Variants in PRKG1 observed in about 807,000 individuals in gnomAD.
PRKG1 encodes protein kinase cGMP-dependent 1.
PRKG1 carries 35 observed loss-of-function variants against 88.1 expected under a neutral mutation model. The ratio of observed to expected loss-of-function variants is 0.40; its 90% CI spans 0.30 to 0.53. The LOEUF (loss-of-function observed/expected upper bound fraction) is 0.53, where lower values mean the gene tolerates loss of function less well. Ranked by LOEUF, PRKG1 falls within the 20% of genes least tolerant of loss-of-function variation. The pLI is 0.59. For synonymous variants in PRKG1, 303 were observed against 292.5 expected, an observed-to-expected ratio of 1.04 and a Z score of -0.37; for missense variants, 540 against 839.8, an observed-to-expected ratio of 0.64 and a Z score of 4.41.
chr10:51,561,573 A>G lies in PRKG1; in HGVS notation c.592+93737A>G, dbSNP rs749048546. 1.0e-3 allele frequency among the ~76,000 whole-genome samples: 156 copies of G among 152,194 alleles called. 3 individuals carry two copies. The Middle Eastern group carries it at 0.044, about 43-fold the overall frequency. ...GAAATTGAAACTCAGCAAAGAATAG[A>G]AAGTAGCTTAGGGATAAACAAACAG... is the stretch of plus-strand genomic sequence containing the variant. On this transcript the variant is annotated intron_variant, in intron 3 of 17. Coordinates refer to ENST00000373980, the MANE Select transcript of PRKG1 (RefSeq NM_006258.4).
At chr10:51,943,865 A>T (rs149794744) in intron 5 of PRKG1, among the ~76,000 whole-genome samples, 1 of 151,970 alleles carries the variant, frequency 6.6e-6, no homozygotes, top group African/African-American at 2.4e-5. Flanking sequence ...CCAGTATTTT[A>T]TTGAGGATTT....
chr10:51,272,732 C>A (rs1431283855), intron 2 of PRKG1, among the ~76,000 whole-genome samples: 2 of 152,132 alleles, frequency 1.3e-5, no homozygotes, highest in African/African-American at 4.8e-5. Flanking sequence ...TCAAAGGATG[C>A]AGCCCAGCCT....
intron 1 of PRKG1, among the ~76,000 whole-genome samples, chr10:51,037,582 G>A (rs1397205341): frequency 6.6e-6 from 1 of 152,150 alleles, no homozygotes; most frequent in Admixed American, 6.5e-5. Context: ...TCAGGAGTTT[G>A]AGACCAGCCT....
At chr10:51,090,924 G>T (rs1374184267) in intron 1 of PRKG1, among the ~76,000 whole-genome samples, 5 of 152,154 alleles carry the variant, frequency 3.3e-5, no homozygotes, top group Non-Finnish European at 7.3e-5. Context: ...CAACTTGAAT[G>T]TTTTCTGTCC....
At chr10:51,765,751 C>T (rs1231895714) in intron 3 of PRKG1, among the ~76,000 whole-genome samples, 1 of 151,540 alleles carries the variant, frequency 6.6e-6, no homozygotes, top group African/African-American at 2.4e-5. Flanking sequence ...TCTTTGCATT[C>T]AAAGGCTGCC....
At chr10:51,839,898 T>C (rs1478144673) in intron 4 of PRKG1, among the ~76,000 whole-genome samples, 3 of 152,208 alleles carry the variant, frequency 2.0e-5, no homozygotes, top group African/African-American at 4.8e-5. Flanking sequence ...TCTCCTATTT[T>C]TCCTAGAGCA....
intron 5 of PRKG1, among the ~76,000 whole-genome samples, chr10:51,998,298 C>A (rs1020366354): frequency 6.6e-6 from 1 of 152,060 alleles, no homozygotes. Flanking sequence ...ATGACATTGA[C>A]ATTGTGTCAT....
chr10:52,071,180 C>G (rs1325610967), intron 7 of PRKG1, among the ~76,000 whole-genome samples: 3 of 151,772 alleles, frequency 2.0e-5, no homozygotes, highest in Admixed American at 6.6e-5. Flanking sequence ...GGTACATGTG[C>G]AGGTTTGTTA....
intron 4 of PRKG1, among the ~76,000 whole-genome samples, chr10:51,806,406 G>T (rs1424231322): frequency 6.6e-6 from 1 of 152,230 alleles, no homozygotes; most frequent in Non-Finnish European, 1.5e-5. Flanking sequence ...GTGTATGTGT[G>T]TGTGTGTTTT....
intron 5 of PRKG1, among the ~76,000 whole-genome samples, chr10:51,969,161 A>G (rs1046690283): frequency 2.0e-5 from 3 of 152,210 alleles, no homozygotes; most frequent in African/African-American, 7.2e-5. Context: ...TAAATTTCTT[A>G]CTTGGGTAAA....
intron 12 of PRKG1, among the ~76,000 whole-genome samples, chr10:52,275,344 G>A (rs1017556643): frequency 6.6e-6 from 1 of 152,144 alleles, no homozygotes; most frequent in Non-Finnish European, 1.5e-5. Flanking sequence ...AATCCATCTT[G>A]TGTTGATTTT....
At chr10:51,256,542 T>C (rs1285762358) in intron 2 of PRKG1, among the ~76,000 whole-genome samples, 3 of 152,050 alleles carry the variant, frequency 2.0e-5, no homozygotes, top group African/African-American at 4.8e-5. Context: ...CTACAAATAA[T>C]AAATGCCCTC....
intron 3 of PRKG1, among the ~76,000 whole-genome samples, chr10:51,536,894 T>A (rs975754949): frequency 2.0e-5 from 3 of 149,230 alleles, no homozygotes; most frequent in Non-Finnish European, 4.4e-5. Flanking sequence ...AGTGAGAACA[T>A]GCGGTGTTTG....
At chr10:52,166,667 A>G (rs1429322408) in intron 9 of PRKG1, among the ~76,000 whole-genome samples, 1 of 145,408 alleles carries the variant, frequency 6.9e-6, no homozygotes, top group Non-Finnish European at 1.5e-5. Flanking sequence ...ATCCAGAAAT[A>G]TAAAAAAATT....
At chr10:52,193,567 A>AC (rs1391544071) in intron 9 of PRKG1, among the ~76,000 whole-genome samples, 1 of 139,556 alleles carries the variant, frequency 7.2e-6, no homozygotes, top group South Asian at 2.2e-4. Context: ...AAAAAACAAA[A>AC]AAAAAAAACA....
chr10:52,292,642 AC>A (rs1187125305), intron 17 of PRKG1, among the ~76,000 whole-genome samples: 1 of 152,162 alleles, frequency 6.6e-6, no homozygotes, highest in Non-Finnish European at 1.5e-5. Context: ...TGGTACCAGT[AC>A]CATGCTGTTT....
chr10:51,008,657 A>G (rs1842963014), intron 1 of PRKG1, among the ~76,000 whole-genome samples: 1 of 152,132 alleles, frequency 6.6e-6, no homozygotes. Context: ...CTAATCCAAT[A>G]TGATGTCGTC....
intron 3 of PRKG1, among the ~76,000 whole-genome samples, chr10:51,500,237 T>C (rs1359663997): frequency 1.3e-5 from 2 of 152,218 alleles, no homozygotes; most frequent in African/African-American, 2.4e-5. Flanking sequence ...TGAATGAAGA[T>C]CGACATTTCT....
intron 2 of PRKG1, among the ~76,000 whole-genome samples, chr10:51,290,715 G>T (rs572759298): frequency 7.2e-5 from 11 of 152,122 alleles, no homozygotes; most frequent in African/African-American, 2.6e-4. Context: ...GGATTATGTG[G>T]GCAGTCTACC....
Sources: allele counts gnomAD v4.1 joint callset (sites outside exome capture counted in the v4.1 genomes callset), GRCh38; gene constraint gnomAD v4.1.1; transcripts MANE v1.5; gene names NCBI Gene and HGNC (gene_info 2026-07-23, HGNC 2026-07-21).